The following CLEC16A variants were observed in gnomAD, a reference collection of about 807,000 sequenced individuals.
The protein encoded by CLEC16A is C-type lectin domain containing 16A.
A neutral mutation model predicts 109.5 loss-of-function variants in CLEC16A; 51 were observed. The ratio of observed to expected loss-of-function variants is 0.47; its 90% CI spans 0.37 to 0.59. CLEC16A has a LOEUF of 0.59. Ranked by LOEUF, CLEC16A falls within the 20% of genes least tolerant of loss-of-function variation. CLEC16A has a pLI of 0.00. For synonymous variants in CLEC16A, 673 were observed against 564.2 expected, an observed-to-expected ratio of 1.19 and a Z score of -2.73; for missense variants, 1,339 against 1,394.0, an observed-to-expected ratio of 0.96 and a Z score of 0.63.
intron 19 of CLEC16A, among the ~76,000 whole-genome samples, chr16:11,120,023 T>G (rs1261968883): frequency 6.6e-6 from 1 of 152,184 alleles, no homozygotes; most frequent in Non-Finnish European, 1.5e-5. Context: ...CAGGTTGGAG[T>G]GCAGAGCGCG....
intron 19 of CLEC16A, among the ~76,000 whole-genome samples, chr16:11,084,351 G>A (rs1441431754): frequency 6.6e-6 from 1 of 152,076 alleles, no homozygotes; most frequent in African/African-American, 2.4e-5. Flanking sequence ...GGTTCATGTG[G>A]GTACCAAGCT....
rs756995181 is a variant in CLEC16A, at chr16:11,123,700, C to T, written c.2269-42C>T. On this transcript the variant is annotated intron_variant, in intron 20 of 23. Coordinates refer to ENST00000409790, the MANE Select transcript of CLEC16A (RefSeq NM_015226.3). ...CCACAGCTCCTAGCCACCCTCCTCC[C>T]AAACCCAACGAATGCCTTTTCCTTT... The T allele has an allele frequency of 3.1e-6, 5 of 1,604,382 alleles. No individual in the cohort carries two copies. In the South Asian group the frequency reaches 5.5e-5, roughly 18 times the overall value.
At chr16:10,972,240 G>C (rs74737820) in intron 5 of CLEC16A, among the ~76,000 whole-genome samples, 20,429 of 152,246 alleles carry the variant, frequency 0.13, 1,358 homozygotes, top group African/African-American at 0.15. Context: ...CAGTTGGGGG[G>C]GTCAGCTGGC....
chr16:11,166,568 C>T lies in CLEC16A; in HGVS notation c.2806+16C>T, dbSNP rs200817802. On this transcript the variant is annotated intron_variant, in intron 23 of 23. Coordinates refer to ENST00000409790, the MANE Select transcript of CLEC16A (RefSeq NM_015226.3). ...AGTCCAGCAGGTATTGGCCACGTGA[C>T]TCAGTGATATGGGGACATTTGGAGA... 10 of 1,571,584 alleles carry T rather than the reference C, an allele frequency of 6.4e-6. No homozygotes were observed. The highest frequency in any genetic ancestry group is 8.6e-6 in the Non-Finnish European group (10 of 1,158,862).
chr16:11,108,953 A>G (rs1200057920), intron 19 of CLEC16A, among the ~76,000 whole-genome samples: 1 of 151,896 alleles, frequency 6.6e-6, no homozygotes, highest in Non-Finnish European at 1.5e-5. Context: ...TACTAAAAAT[A>G]CAAACAAATT....
chr16:10,996,883 C>T (rs1240168931), intron 10 of CLEC16A, among the ~76,000 whole-genome samples: 2 of 152,318 alleles, frequency 1.3e-5, no homozygotes, highest in South Asian at 2.1e-4. Context: ...CCCACCTGTT[C>T]GCTTTGTCCT....
intron 19 of CLEC16A, among the ~76,000 whole-genome samples, chr16:11,062,275 C>G (rs2048523602): frequency 6.6e-6 from 1 of 152,102 alleles, no homozygotes; most frequent in African/African-American, 2.4e-5. Flanking sequence ...CTCTGTAGCA[C>G]TGTTGTTGCT....
intron 19 of CLEC16A, among the ~76,000 whole-genome samples, chr16:11,084,245 G>GCTTA (rs776173696): frequency 5.3e-5 from 8 of 152,044 alleles, no homozygotes; most frequent in Non-Finnish European, 1.0e-4. Context: ...TCTGCAGACA[G>GCTTA]CTTACTTCCT....
intron 19 of CLEC16A, among the ~76,000 whole-genome samples, chr16:11,115,853 T>G (rs992921579): frequency 6.6e-6 from 1 of 150,926 alleles, no homozygotes; most frequent in African/African-American, 2.4e-5. Flanking sequence ...TATGTTAATA[T>G]AATATATTTC....
chr16:10,971,374 T>C (rs1160590901), intron 5 of CLEC16A, 144 bp downstream of exon 5: 1 of 822,768 alleles, frequency 1.2e-6, no homozygotes, highest in Admixed American at 3.1e-5. Context: ...ATGAAAAACT[T>C]GGAATCCCCT....
At chr16:10,969,126 A>T in intron 3 of CLEC16A, 35 bp from the exon 4 acceptor site, 1 of 1,571,110 alleles carries the variant, frequency 6.4e-7, no homozygotes, top group Non-Finnish European at 8.7e-7. Flanking sequence ...TTCCTCCAGC[A>T]TGAGTTAACC....
intron 1 of CLEC16A, among the ~76,000 whole-genome samples, chr16:10,956,128 C>CCG (rs2041972858): frequency 6.6e-6 from 1 of 152,222 alleles, no homozygotes; most frequent in South Asian, 2.1e-4. Flanking sequence ...ATGCCCCCTC[C>CCG]CGCAGCCTTT....
intron 14 of CLEC16A, 92 bp downstream of exon 14, chr16:11,039,968 G>A (rs548499745): frequency 6.8e-7 from 1 of 1,461,742 alleles, no homozygotes. Context: ...CTAGGCCTGA[G>A]CCTTCTGAGA....
chr16:11,051,063 G>A (rs2047913389), intron 17 of CLEC16A, among the ~76,000 whole-genome samples: 2 of 152,206 alleles, frequency 1.3e-5, no homozygotes, highest in Admixed American at 1.3e-4. Context: ...GTCACAGCTT[G>A]CAGCGGAATC....
chr16:11,075,402 G>GTGTGTC (rs1555478872), intron 19 of CLEC16A, among the ~76,000 whole-genome samples: 11 of 138,022 alleles, frequency 8.0e-5, no homozygotes, highest in East Asian at 4.1e-4. Context: ...GTGTGTGTGT[G>GTGTGTC]TGTGTGTGTC....
At chr16:11,038,759 A>T (rs1387312436) in intron 13 of CLEC16A, among the ~76,000 whole-genome samples, 1 of 152,118 alleles carries the variant, frequency 6.6e-6, no homozygotes, top group East Asian at 1.9e-4. Context: ...TTAGGTTGGC[A>T]CAAAAGTAAT....
At chr16:11,164,693 C>A (rs566956593) in intron 22 of CLEC16A, among the ~76,000 whole-genome samples, 1 of 152,238 alleles carries the variant, frequency 6.6e-6, no homozygotes, top group Non-Finnish European at 1.5e-5. Context: ...CTCAACTCTG[C>A]CGCTGATCGA....
intron 13 of CLEC16A, among the ~76,000 whole-genome samples, 180 bp downstream of exon 13, chr16:11,025,101 T>C (rs748544065): frequency 6.6e-6 from 1 of 152,174 alleles, no homozygotes; most frequent in Non-Finnish European, 1.5e-5. Context: ...ATTTCTCAGG[T>C]GTTTTTCTAC....
At chr16:11,045,698 T>G (rs1024325331) in intron 16 of CLEC16A, among the ~76,000 whole-genome samples, 27 of 152,162 alleles carry the variant, frequency 1.8e-4, no homozygotes, top group African/African-American at 5.6e-4. Flanking sequence ...TCTCTGCAGA[T>G]CCTGCGAGTG....
Sources: gnomAD v4.1 joint callset for allele counts (sites outside exome capture counted in the v4.1 genomes callset) on GRCh38, gnomAD v4.1.1 for gene constraint, MANE v1.5 for transcripts, NCBI Gene and HGNC (gene_info 2026-07-23, HGNC 2026-07-21) for gene names.